The following KIF13B variants were observed in gnomAD, a reference collection of about 807,000 sequenced individuals.
The protein encoded by KIF13B is kinesin family member 13B, also known as kinesin-like protein KIF13B.
KIF13B carries 127 observed loss-of-function variants against 222.0 expected under a neutral mutation model. The observed-to-expected ratio is 0.57, with a 90% CI of 0.50 to 0.66. KIF13B has a LOEUF of 0.66. Ranked by LOEUF, KIF13B falls within the 30% of genes least tolerant of loss-of-function variation. The pLI, the probability that KIF13B is intolerant of heterozygous loss-of-function variation, is 0.00. For missense variants in KIF13B, 2,173 were observed against 2,379.0 expected (o/e 0.91, Z 1.80); for synonymous variants, 976 against 919.0 (o/e 1.06, Z -1.12).
At chr8:29,128,545 C>G (rs1020518974) in intron 24 of KIF13B, among the ~76,000 whole-genome samples, 4 of 152,134 alleles carry the variant, frequency 2.6e-5, no homozygotes, top group African/African-American at 9.7e-5. Flanking sequence ...ATTTTAATAG[C>G]CTAAACAGTT....
At chr8:29,209,098 A>G (rs1170268208) in intron 2 of KIF13B, among the ~76,000 whole-genome samples, 2 of 152,244 alleles carry the variant, frequency 1.3e-5, no homozygotes, top group Non-Finnish European at 2.9e-5. Flanking sequence ...TAAATGCAAG[A>G]CACCAACAGA....
chr8:29,142,838 A>G (rs1183440294), intron 18 of KIF13B, among the ~76,000 whole-genome samples: 1 of 151,984 alleles, frequency 6.6e-6, no homozygotes, highest in African/African-American at 2.4e-5. Flanking sequence ...GACTCTCAAA[A>G]ATAAATAAAT....
chr8:29,071,964 T>C lies in KIF13B; in HGVS notation c.4874A>G (p.Gln1625Arg). 2.2e-6 allele frequency: 3 copies of C among 1,342,638 alleles called. No individual in the cohort carries two copies. Among genetic ancestry groups the C allele is most frequent in the Non-Finnish European group, 2.8e-6 (3 of 1,052,720 alleles). The allele number at this position is 1,342,638 out of a possible 1,614,324, so 83.2% of individuals were successfully genotyped here. A position where few individuals can be genotyped will look rare whatever the true frequency, so the allele number is the denominator to read the frequency against. The change falls in exon 39 of 40, where the codon CAG becomes CGG. Residue 1625 changes from glutamine to arginine, a missense_variant. By Grantham distance (43) the Gln-to-Arg change is conservative (BLOSUM62 1). This residue lies in a region of KIF13B where 693 missense variants were observed against 656.2 expected (regional missense o/e 1.06). Transcript: ENST00000524189. The surrounding 1 kb of genome is among the most constrained non-coding windows in gnomAD (Gnocchi z 4.9). ...CTCCCGACCGGGGCTCACGAGCTGC[T>C]GGGGGCCAGGGGGCTCCTCGGCGGG... ...AVPAEEPPGPQQLVSPGRERP... is the reference protein window; with the variant it reads ...AVPAEEPPGPRQLVSPGRERP...
At chr8:29,136,831 GCT>G (rs1341419190) in intron 21 of KIF13B, among the ~76,000 whole-genome samples, 34 of 129,270 alleles carry the variant, frequency 2.6e-4, no homozygotes, top group African/African-American at 1.0e-3. Context: ...ATGGCGTCTC[GCT>G]CTGTTGCCCA....
intron 2 of KIF13B, among the ~76,000 whole-genome samples, chr8:29,230,348 G>A (rs1487739970): frequency 6.6e-6 from 1 of 152,126 alleles, no homozygotes; most frequent in East Asian, 1.9e-4. Context: ...TGCTTACGGG[G>A]TTGATCAATT....
intron 2 of KIF13B, among the ~76,000 whole-genome samples, chr8:29,208,194 T>C (rs1480477405): frequency 6.6e-6 from 1 of 152,234 alleles, no homozygotes; most frequent in Admixed American, 6.5e-5. Flanking sequence ...GTATCCTTTT[T>C]GGTGCTTAAT....
intron 29 of KIF13B, among the ~76,000 whole-genome samples, chr8:29,120,101 T>C (rs1415602681): frequency 1.3e-5 from 2 of 151,920 alleles, no homozygotes; most frequent in African/African-American, 4.8e-5. Flanking sequence ...TGGCAGAGTA[T>C]ATGTAAAACG....
chr8:29,097,023 G>A (rs1318627985), intron 36 of KIF13B, among the ~76,000 whole-genome samples: 5 of 152,142 alleles, frequency 3.3e-5, no homozygotes, highest in African/African-American at 7.2e-5. Flanking sequence ...CAGGAACTAC[G>A]AGATGAGATT....
chr8:29,263,299 G>A (rs1206755368), upstream of KIF13B, among the ~76,000 whole-genome samples: 3 of 152,242 alleles, frequency 2.0e-5, no homozygotes, highest in Admixed American at 2.0e-4. Context: ...CAGCAATGAC[G>A]GCTTTTGTAA....
In KIF13B at chr8:29,140,203, AG is replaced by A; in HGVS notation, c.2485-13del. On this transcript the variant is annotated splice_polypyrimidine_tract_variant and intron_variant, in intron 20 of 39. Coordinates refer to ENST00000524189, the MANE Select transcript of KIF13B (RefSeq NM_015254.4). ...AGCCGACCTGCCACCTGCAGCAATG[AG>A]GGAAGGCAGAAACATTTCTCCAGAT... 2 of 1,613,234 alleles carry A rather than the reference AG, an allele frequency of 1.2e-6. No homozygotes were observed. The highest frequency in any genetic ancestry group is 1.7e-6 in the Non-Finnish European group (2 of 1,179,732).
chr8:29,151,749 A>C (rs1020326778), intron 14 of KIF13B, among the ~76,000 whole-genome samples: 5 of 151,842 alleles, frequency 3.3e-5, no homozygotes, highest in African/African-American at 9.7e-5. Context: ...ATCACCCAAG[A>C]GCTCTGATGG....
intron 37 of KIF13B, among the ~76,000 whole-genome samples, chr8:29,081,193 G>A (rs897992533): frequency 1.1e-4 from 16 of 152,110 alleles, no homozygotes; most frequent in African/African-American, 3.1e-4. Flanking sequence ...ACAGTCACAC[G>A]TGAGCATTTA....
chr8:29,140,410 A>G, intron 20 of KIF13B, 58 bp downstream of exon 20: 1 of 1,546,938 alleles, frequency 6.5e-7, no homozygotes, highest in Non-Finnish European at 8.8e-7. Flanking sequence ...TCCCATCACC[A>G]CCCTCTTGTT....
chr8:29,140,305 T>C (rs1286105563), intron 20 of KIF13B, 114 bp from the exon 21 acceptor site: 8 of 1,454,732 alleles, frequency 5.5e-6, no homozygotes, highest in Non-Finnish European at 1.9e-6. Context: ...TATGGGAATT[T>C]AGAGGCCTAG....
intron 32 of KIF13B, among the ~76,000 whole-genome samples, chr8:29,112,774 G>A (rs1188591533): frequency 6.6e-6 from 1 of 152,218 alleles, no homozygotes. Context: ...GCACCTGGGT[G>A]AATGAATACA....
At chr8:29,247,216 C>T (rs566570068) in intron 1 of KIF13B, among the ~76,000 whole-genome samples, 3 of 151,892 alleles carry the variant, frequency 2.0e-5, no homozygotes, top group African/African-American at 2.4e-5. Context: ...GAGACCCCCA[C>T]GTCTAAAAAA....
In KIF13B at chr8:29,227,321, C is replaced by T. The variant is rs188941127; in HGVS notation, c.149+18025G>A. On this transcript the variant is annotated intron_variant, in intron 2 of 39. Coordinates refer to ENST00000524189, the MANE Select transcript of KIF13B (RefSeq NM_015254.4). ...TTTTATTTTTTGAGATGGAGTTTTG[C>T]ACTTGTTGCCCAGACTGGAGTGCAA... 1.6e-4 allele frequency among the ~76,000 whole-genome samples: 25 copies of T among 152,096 alleles called. No homozygotes were observed. The East Asian group carries it at 4.2e-3, about 26-fold the overall frequency.
intron 23 of KIF13B, among the ~76,000 whole-genome samples, chr8:29,130,965 C>G (rs1483337083): frequency 6.6e-6 from 1 of 152,262 alleles, no homozygotes; most frequent in East Asian, 1.9e-4. Context: ...TGTACAGAAG[C>G]AGCAAGTACA....
At chr8:29,101,924 C>T (rs1160368728) in intron 35 of KIF13B, among the ~76,000 whole-genome samples, 1 of 152,114 alleles carries the variant, frequency 6.6e-6, no homozygotes. Flanking sequence ...GATTTTTCTC[C>T]TGCACTACAA....
Sources: gnomAD v4.1 joint callset for allele counts (sites outside exome capture counted in the v4.1 genomes callset) on GRCh38, gnomAD v4.1.1 for gene constraint, gnomAD v4.1.1 regional missense constraint, Gnocchi (gnomAD v3.1) non-coding constraint, MANE v1.5 for transcripts, NCBI Gene and HGNC (gene_info 2026-07-23, HGNC 2026-07-21) for gene names.